Variants in IL16 observed in about 807,000 individuals in gnomAD.
The protein encoded by IL16 is pro-interleukin-16.
Under a neutral mutation model 110.1 loss-of-function variants are expected in IL16, and 67 were observed. That is an observed-to-expected ratio of 0.61 (90% CI 0.50 to 0.75). The LOEUF (loss-of-function observed/expected upper bound fraction) is 0.75, where lower values mean the gene tolerates loss of function less well. IL16 is among the 30% of genes least tolerant of loss of function. The pLI, the probability that IL16 is intolerant of heterozygous loss-of-function variation, is 0.00. For missense variants in IL16, 1,545 were observed against 1,655.0 expected, an observed-to-expected ratio of 0.93 and a Z score of 1.15; for synonymous variants, 689 against 662.9, an observed-to-expected ratio of 1.04 and a Z score of -0.61.
intron 5 of IL16, among the ~76,000 whole-genome samples, chr15:81,271,243 C>A (rs1898620923): frequency 6.6e-6 from 1 of 151,004 alleles, no homozygotes; most frequent in African/African-American, 2.4e-5. Context: ...ATAGTAAGAC[C>A]CTGTCTCTAC....
intron 2 of IL16, among the ~76,000 whole-genome samples, chr15:81,244,835 T>A (rs1897480207): frequency 6.6e-6 from 1 of 152,170 alleles, no homozygotes; most frequent in South Asian, 2.1e-4. Flanking sequence ...GTATCACAGA[T>A]CCCTGAGGCT....
chr15:81,248,504 T>C (rs1897645457), intron 2 of IL16, among the ~76,000 whole-genome samples: 2 of 149,446 alleles, frequency 1.3e-5, no homozygotes, highest in South Asian at 4.2e-4. Flanking sequence ...TATTTAAAAT[T>C]ATTAAAAATT....
intron 6 of IL16, among the ~76,000 whole-genome samples, chr15:81,274,846 G>A (rs1898823039): frequency 6.6e-6 from 1 of 152,180 alleles, no homozygotes. Flanking sequence ...AGATTTTAGG[G>A]TGTGGGCAAT....
In IL16 at chr15:81,273,115, GA is replaced by G. The variant is rs757862882; in HGVS notation, c.705del (p.Asp236ThrfsTer43). 6 of 1,613,498 alleles carry G rather than the reference GA, an allele frequency of 3.7e-6. No homozygotes were observed. The South Asian group carries it at 5.5e-5, about 15-fold the overall frequency. On this transcript the variant is annotated frameshift_variant, in exon 6 of 19. Coordinates refer to ENST00000683961, the MANE Select transcript of IL16 (RefSeq NM_172217.5). LOFTEE classifies it high-confidence loss of function. ...AKGLGFSIVG[G>X]KDSIYGPIGI... ...GGTCTGGGCTTCAGCATCGTTGGGG[GA>G]AAAGACAGCATTTATGGCCCCATTG...
intron 3 of IL16, among the ~76,000 whole-genome samples, chr15:81,260,336 C>T (rs1898105049): frequency 6.6e-6 from 1 of 152,158 alleles, no homozygotes; most frequent in African/African-American, 2.4e-5. Context: ...TATTAGAGAT[C>T]ATCTATGTTA....
intron 18 of IL16, 134 bp downstream of exon 18, chr15:81,306,679 C>A: frequency 9.4e-7 from 1 of 1,069,200 alleles, no homozygotes; most frequent in Non-Finnish European, 1.4e-6. Context: ...CATGCTGGTC[C>A]TTTTAGGGCT....
intron 9 of IL16, among the ~76,000 whole-genome samples, chr15:81,283,151 G>C (rs1352421198): frequency 6.6e-6 from 1 of 152,176 alleles, no homozygotes; most frequent in African/African-American, 2.4e-5. Flanking sequence ...GACCGAGGTG[G>C]GGCGGCCTAA....
rs199646222 is a variant in IL16, at chr15:81,282,623, C to G, written c.1082-16C>G. 1 of 1,603,738 alleles carries G rather than the reference C, an allele frequency of 6.2e-7. No individual in the cohort carries two copies. On this transcript the variant is annotated splice_polypyrimidine_tract_variant and intron_variant, in intron 8 of 18. Transcript: ENST00000683961. The stretch of plus-strand genomic sequence containing the variant: ...CTCAGTCCCGGTCTCCCCACCCCGC[C>G]CTGTTCTGCTTCCAGAGGCCGGCGT...
chr15:81,257,436 A>T (rs1342329022), intron 2 of IL16, among the ~76,000 whole-genome samples: 1 of 152,210 alleles, frequency 6.6e-6, no homozygotes, highest in Non-Finnish European at 1.5e-5. Flanking sequence ...CAGAAACAGG[A>T]AACCATGGAA....
intron 1 of IL16, among the ~76,000 whole-genome samples, chr15:81,215,860 C>A (rs1896409007): frequency 6.6e-6 from 1 of 152,182 alleles, no homozygotes; most frequent in African/African-American, 2.4e-5. Flanking sequence ...CAGAACATCC[C>A]ATGGCTCTGT....
chr15:81,252,943 A>G (rs751376059), intron 2 of IL16, among the ~76,000 whole-genome samples: 5 of 152,098 alleles, frequency 3.3e-5, no homozygotes, highest in Non-Finnish European at 7.4e-5. Context: ...ACTTTTTTGT[A>G]CAAGTTTTTG....
intron 2 of IL16, 81 bp from the exon 3 acceptor site, chr15:81,259,691 G>A (rs1898080832): frequency 2.5e-6 from 2 of 808,264 alleles, no homozygotes; most frequent in Admixed American, 1.8e-5. Flanking sequence ...TACTTCTATG[G>A]TCAGTGTCAA....
chr15:81,268,330 T>C (rs1898484287), intron 4 of IL16, among the ~76,000 whole-genome samples: 1 of 87,606 alleles, frequency 1.1e-5, no homozygotes, highest in African/African-American at 8.0e-5. Context: ...CGATGTGTTT[T>C]ACAAACAGCT....
At chr15:81,283,360 C>A (rs527256286) in intron 9 of IL16, among the ~76,000 whole-genome samples, 6 of 142,452 alleles carry the variant, frequency 4.2e-5, no homozygotes, top group African/African-American at 1.5e-4. Context: ...AAAAAAAACC[C>A]CAAAAACCAA....
chr15:81,220,331 T>G (rs1896571602), intron 1 of IL16, among the ~76,000 whole-genome samples: 1 of 152,086 alleles, frequency 6.6e-6, no homozygotes, highest in Non-Finnish European at 1.5e-5. Flanking sequence ...TGTTTTGTAT[T>G]TTTGGTAGAG....
rs538846978 is a variant in IL16, at chr15:81,186,955, G to A, written c.40+4059G>A. Among the ~76,000 whole-genome samples, 11 of 152,210 alleles carry A rather than the reference G, an allele frequency of 7.2e-5. No individual in the cohort carries two copies. The East Asian group carries it at 2.1e-3, about 29-fold the overall frequency. On this transcript the variant is annotated intron_variant, in intron 1 of 18. Coordinates refer to the IL16 transcript ENST00000302987. ...ATTACAAGAGTGAGCCACCATGCCT[G>A]GCTATCCATCTCATTTTTGAATGCA...
Position 81,308,715 on chromosome 15 carries a change from G to T in IL16, c.3916G>T (p.Ala1306Ser). The T allele has an allele frequency of 6.2e-7, 1 of 1,613,980 alleles. No homozygotes were observed. Among genetic ancestry groups the T allele is most frequent in the Non-Finnish European group, 8.5e-7 (1 of 1,179,830 alleles). ...TRFEAWNIIK[A>S]LPDGPVTIVI... ...GTTTGAAGCCTGGAACATCATCAAG[G>T]CACTGCCTGATGGACCTGTCACGAT... Residue 1306 changes from alanine to serine, a missense_variant, in exon 19 of 19, where the codon GCA (alanine) becomes TCA (serine). This residue lies in a region of IL16 where 356 missense variants were observed against 399.3 expected (regional missense o/e 0.89). Transcript: ENST00000683961.
In IL16 at chr15:81,225,728, C is replaced by G. The variant is rs1442016842; in HGVS notation, c.312+17C>G. On this transcript the variant is annotated intron_variant, in intron 2 of 18. Transcript: ENST00000683961. ...TTCATGAAGGTATGCCCAGGCTTTG[C>G]AGGCCTGAACTAGCCTGCAGTTGGT... 1 of 1,569,128 alleles carries G rather than the reference C, an allele frequency of 6.4e-7. No individual in the cohort carries two copies.
In IL16 at chr15:81,300,418, A is replaced by G. The variant is rs754706637; in HGVS notation, c.3092A>G (p.Asp1031Gly). ...TCTCCAACATCATCATCCAACGAAG[A>G]CTCAGCTGCAAATGGTTCTGCTGAA... ...GASPTSSSNE[D>G]SAANGSAETS... is the part of the protein sequence containing the mutation. The change falls in exon 14 of 19, where the codon GAC (aspartate) becomes GGC (glycine). Residue 1031 changes from aspartate to glycine, a missense_variant. Asp to Gly is a moderately conservative substitution (Grantham distance 94). Around this residue, in one of 3 missense-constraint regions of IL16, gnomAD observed 356 missense variants for 399.3 expected, o/e 0.89. Coordinates refer to ENST00000683961, the MANE Select transcript of IL16 (RefSeq NM_172217.5). 6.2e-7 allele frequency: 1 copy of G among 1,614,008 alleles called. No individual in the cohort carries two copies. The highest frequency in any genetic ancestry group is 2.2e-5 in the East Asian group (1 of 44,876).
Sources: allele counts gnomAD v4.1 joint callset (sites outside exome capture counted in the v4.1 genomes callset), GRCh38; gene constraint gnomAD v4.1.1; regional missense constraint gnomAD v4.1.1; transcripts MANE v1.5; gene names NCBI Gene and HGNC (gene_info 2026-07-23, HGNC 2026-07-21).